Variants in CRACD observed in about 807,000 individuals in gnomAD.
CRACD encodes the protein capping protein-inhibiting regulator of actin dynamics.
CRACD carries 56 observed loss-of-function variants against 106.8 expected under a neutral mutation model. The observed-to-expected ratio is 0.52, with a 90% CI of 0.42 to 0.66. The LOEUF (loss-of-function observed/expected upper bound fraction) is 0.66, where lower values mean the gene tolerates loss of function less well. CRACD is among the 30% of genes least tolerant of loss of function. CRACD has a pLI of 0.00. For missense variants in CRACD, 1,730 were observed against 1,623.2 expected, an observed-to-expected ratio of 1.07 and a Z score of -1.13; for synonymous variants, 754 against 670.8, an observed-to-expected ratio of 1.12 and a Z score of -1.92.
intron 10 of CRACD, among the ~76,000 whole-genome samples, chr4:56,325,342 A>G (rs1182207092): frequency 1.3e-5 from 2 of 152,236 alleles, no homozygotes; most frequent in African/African-American, 4.8e-5. Context: ...CAACAAAAAC[A>G]GAAAAGATAA....
intron 1 of CRACD, among the ~76,000 whole-genome samples, chr4:56,052,595 T>C (rs751613759): frequency 1.4e-4 from 21 of 152,232 alleles, no homozygotes; most frequent in Non-Finnish European, 2.9e-4. Flanking sequence ...ATGGTCACGT[T>C]ACTGTGTGCT....
At chr4:56,156,154 T>C (rs1438369922) in intron 1 of CRACD, among the ~76,000 whole-genome samples, 1 of 151,994 alleles carries the variant, frequency 6.6e-6, no homozygotes, top group Non-Finnish European at 1.5e-5. Flanking sequence ...AGAGATGGGG[T>C]TTTTGCCATG....
chr4:56,188,711 CAGAG>C (rs142124735), intron 2 of CRACD, among the ~76,000 whole-genome samples: 119 of 112,860 alleles, frequency 1.1e-3, no homozygotes, highest in Non-Finnish European at 1.0e-3. Flanking sequence ...CACACACACA[CAGAG>C]AGAGAGAGAG....
rs536056410 is a variant in CRACD, at chr4:56,290,406, A to C, written c.-16-7808A>C. On this transcript the variant is annotated intron_variant, in intron 3 of 10. Coordinates refer to ENST00000682029, the MANE Select transcript of CRACD (RefSeq NM_001393381.1). ...GTTCTGTGGGAAGATTGATGAATTCATGTTAAGTATGCAGAAACAGTGGGA... is the reference window on the plus strand; with the variant it reads ...GTTCTGTGGGAAGATTGATGAATTCCTGTTAAGTATGCAGAAACAGTGGGA... 3.9e-5 allele frequency among the ~76,000 whole-genome samples: 6 copies of C among 152,342 alleles called. No individual in the cohort carries two copies. The South Asian group carries it at 8.3e-4, about 21-fold the overall frequency.
Position 56,315,879 on chromosome 4 carries a change from A to G in CRACD, c.2377A>G (p.Lys793Glu). 1 of 1,614,172 alleles carries G rather than the reference A, an allele frequency of 6.2e-7. No homozygotes were observed. The highest frequency in any genetic ancestry group is 2.2e-5 in the East Asian group (1 of 44,862). Reference sequence around the variant, plus strand: ...CACCACCGAGGGATGCAAATTTGCCAAAGACCTCCCGTCTTTCCTTGTCCC... The same window carrying G: ...CACCACCGAGGGATGCAAATTTGCCGAAGACCTCCCGTCTTTCCTTGTCCC... ...ADTTEGCKFA[K>E]DLPSFLVPSL... Residue 793 changes from lysine to glutamate, a missense_variant, in exon 8 of 11, where the codon AAA becomes GAA. Coordinates refer to ENST00000682029, the MANE Select transcript of CRACD (RefSeq NM_001393381.1). This position sits in a 1 kb window ranked among gnomAD's most constrained non-coding sequence, Gnocchi z 4.1.
intron 1 of CRACD, among the ~76,000 whole-genome samples, chr4:56,081,736 G>T (rs1371657414): frequency 6.6e-6 from 1 of 152,212 alleles, no homozygotes; most frequent in African/African-American, 2.4e-5. Context: ...AGCACTTTGG[G>T]AGGCTGAGGC....
intron 2 of CRACD, among the ~76,000 whole-genome samples, chr4:56,196,105 G>T (rs1415758077): frequency 1.3e-5 from 2 of 152,138 alleles, no homozygotes; most frequent in East Asian, 3.9e-4. Flanking sequence ...CAGTGAATGT[G>T]CAGTTTTTAG....
chr4:56,184,991 C>G (rs1029189161), intron 2 of CRACD, among the ~76,000 whole-genome samples: 6 of 152,180 alleles, frequency 3.9e-5, no homozygotes, highest in African/African-American at 1.4e-4. Flanking sequence ...GAGTCTTGCT[C>G]AGTCGCCCAG....
intron 4 of CRACD, among the ~76,000 whole-genome samples, chr4:56,303,472 A>G (rs1336115975): frequency 6.6e-6 from 1 of 152,174 alleles, no homozygotes; most frequent in Non-Finnish European, 1.5e-5. Context: ...GTTTTCAGTG[A>G]TTGTTTATTT....
intron 2 of CRACD, among the ~76,000 whole-genome samples, chr4:56,228,135 C>T (rs1739410311): frequency 6.6e-6 from 1 of 152,174 alleles, no homozygotes; most frequent in South Asian, 2.1e-4. Context: ...GCCTTTCCCC[C>T]TAACCCCGGT....
chr4:56,151,689 T>C (rs1735583986), intron 1 of CRACD, among the ~76,000 whole-genome samples: 1 of 152,176 alleles, frequency 6.6e-6, no homozygotes, highest in South Asian at 2.1e-4. Flanking sequence ...GGTTGCATGT[T>C]GTATTTAGTT....
intron 2 of CRACD, among the ~76,000 whole-genome samples, chr4:56,182,961 G>A (rs572510320): frequency 2.7e-5 from 4 of 150,832 alleles, no homozygotes; most frequent in Non-Finnish European, 4.4e-5. Flanking sequence ...GGCTGGGTGC[G>A]GTGGCTCATG....
At chr4:56,116,834 A>C (rs867975234) in intron 1 of CRACD, among the ~76,000 whole-genome samples, 18 of 151,416 alleles carry the variant, frequency 1.2e-4, no homozygotes, top group African/African-American at 4.1e-4. Context: ...CAGCCTCCCC[A>C]GTAGCTGGGA....
intron 1 of CRACD, among the ~76,000 whole-genome samples, chr4:56,071,320 A>T (rs1007691090): frequency 6.6e-6 from 1 of 152,212 alleles, no homozygotes; most frequent in South Asian, 2.1e-4. Flanking sequence ...TTTTTACTTC[A>T]TGGGCAGAAA....
At chr4:56,295,795 G>A (rs1204094887) in intron 3 of CRACD, among the ~76,000 whole-genome samples, 1 of 150,692 alleles carries the variant, frequency 6.6e-6, no homozygotes, top group Non-Finnish European at 1.5e-5. Flanking sequence ...TGAAAAAGAA[G>A]TTTAGACAGA....
At chr4:56,225,152 G>A (rs138778684) in intron 2 of CRACD, among the ~76,000 whole-genome samples, 17 of 152,100 alleles carry the variant, frequency 1.1e-4, no homozygotes, top group African/African-American at 3.6e-4. Flanking sequence ...GCAGTGGCAC[G>A]ATCTTGGCTT....
intron 1 of CRACD, among the ~76,000 whole-genome samples, chr4:56,172,195 G>A (rs939670654): frequency 3.9e-5 from 6 of 152,080 alleles, no homozygotes; most frequent in African/African-American, 1.2e-4. Context: ...CACTAAAACC[G>A]CTTCTTTTGC....
At chr4:56,099,534 A>C (rs1467357491) in intron 1 of CRACD, among the ~76,000 whole-genome samples, 1 of 152,158 alleles carries the variant, frequency 6.6e-6, no homozygotes, top group African/African-American at 2.4e-5. Flanking sequence ...CTGTTCCGAA[A>C]TGGCTGGTTT....
At chr4:56,297,072 A>G (rs569956415) in intron 3 of CRACD, among the ~76,000 whole-genome samples, 64 of 152,206 alleles carry the variant, frequency 4.2e-4, no homozygotes, top group African/African-American at 1.5e-3. Context: ...GGCGCCAGCC[A>G]TCATGCCCGG....
Sources: gnomAD v4.1 joint callset for allele counts (sites outside exome capture counted in the v4.1 genomes callset) on GRCh38, gnomAD v4.1.1 for gene constraint, Gnocchi (gnomAD v3.1) non-coding constraint, MANE v1.5 for transcripts, NCBI Gene and HGNC (gene_info 2026-07-23, HGNC 2026-07-21) for gene names.